The following CD101 variants were observed in gnomAD, a reference collection of about 807,000 sequenced individuals.
The protein encoded by CD101 is CD101 molecule, also known as immunoglobulin superfamily member 2.
Under a neutral mutation model 98.2 loss-of-function variants are expected in CD101, and 76 were observed. The ratio of observed to expected loss-of-function variants is 0.77; its 90% CI spans 0.64 to 0.94. CD101 has a LOEUF of 0.94. Among genes scored for constraint, CD101 ranks in the 40% least tolerant of loss-of-function variants. The pLI, the probability that CD101 is intolerant of heterozygous loss-of-function variation, is 0.00. For missense variants in CD101, 1,145 were observed against 1,218.8 expected (o/e 0.94, Z 0.90); for synonymous variants, 471 against 472.7 (o/e 1.00, Z 0.05).
In CD101 at chr1:117,018,644, CAT is replaced by C. The variant is rs995313007; in HGVS notation, c.2017+86_2017+87del. The C allele has an allele frequency of 3.1e-6, 4 of 1,283,942 alleles. No homozygotes were observed. Among genetic ancestry groups the C allele is most frequent in the Non-Finnish European group, 4.3e-6 (4 of 935,478 alleles). 79.5% of individuals were successfully genotyped at this position (1,283,942 alleles called of 1,614,324 possible). On this transcript the variant is annotated intron_variant, in intron 6 of 9. Coordinates refer to ENST00000682167, the MANE Select transcript of CD101 (RefSeq NM_001256106.3). This position sits in a 1 kb window ranked among gnomAD's most constrained non-coding sequence, Gnocchi z 4.3. Reference sequence around the variant, plus strand: ...TTTTGGGTAAGTTATAACAATAAAACATAAAATACTTTCTCCCATATTTGTTC... The same window carrying C: ...TTTTGGGTAAGTTATAACAATAAAACAAAATACTTTCTCCCATATTTGTTC...
intron 3 of CD101, 70 bp from the exon 4 acceptor site, chr1:117,013,336 A>T: frequency 1.3e-6 from 2 of 1,482,064 alleles, no homozygotes; most frequent in Non-Finnish European, 1.8e-6. Context: ...AGAGGGTGTC[A>T]TCTCTCTCTG....
Position 117,018,133 on chromosome 1 carries a change from TTC to T in CD101, c.1613-21_1613-20del, listed in dbSNP as rs757954932. 6.5e-7 allele frequency: 1 copy of T among 1,540,460 alleles called. No individual in the cohort carries two copies. Among genetic ancestry groups the T allele is most frequent in the South Asian group, 1.3e-5 (1 of 79,148 alleles). On this transcript the variant is annotated intron_variant, in intron 5 of 9. Coordinates refer to ENST00000682167, the MANE Select transcript of CD101 (RefSeq NM_001256106.3). The surrounding 1 kb of genome is among the most constrained non-coding windows in gnomAD (Gnocchi z 4.3). ...TTTAATCTGGTAAATATATTAGAAA[TTC>T]TGTTTCATTTTTCTGTCTAGAGTCA...
intron 4 of CD101, among the ~76,000 whole-genome samples, chr1:117,016,202 T>TATA (rs1167369251): frequency 4.4e-4 from 65 of 147,520 alleles, no homozygotes; most frequent in African/African-American, 1.5e-3. Context: ...ATATATATAT[T>TATA]TATTTATATA....
At position 117,023,979 on chromosome 1, in the gene CD101, G is replaced by A. The variant is rs963257509; in HGVS notation, c.2429-1530G>A. ...AGGACTAGAGGGTCCCTTGAACTGG[G>A]AAATTGGGCCCTGGCCAAGTAAAGT... is the stretch of plus-strand genomic sequence containing the variant. On this transcript the variant is annotated intron_variant, in intron 7 of 9. Coordinates refer to ENST00000682167, the MANE Select transcript of CD101 (RefSeq NM_001256106.3). The surrounding 1 kb of genome is among the most constrained non-coding windows in gnomAD (Gnocchi z 4.4). Among the ~76,000 whole-genome samples, 7 of 152,184 alleles carry A rather than the reference G, an allele frequency of 4.6e-5. No homozygotes were observed. The highest frequency in any genetic ancestry group is 1.7e-4 in the African/African-American group (7 of 41,446).
At chr1:117,032,591 TGAA>T (rs1333140021) in intron 8 of CD101, 1 of 152,232 alleles carries the variant, frequency 6.6e-6, no homozygotes, top group Non-Finnish European at 1.5e-5. Flanking sequence ...GCTTAACCTT[TGAA>T]GAAGAAATTG....
chr1:117,017,508 A>G, intron 5 of CD101, 35 bp downstream of exon 5: 2 of 1,566,804 alleles, frequency 1.3e-6, no homozygotes, highest in Non-Finnish European at 8.7e-7. Flanking sequence ...CTGCACCTGT[A>G]TATCACTCAA....
chr1:117,034,484 C>G (rs1193185423), intron 9 of CD101, among the ~76,000 whole-genome samples: 1 of 152,194 alleles, frequency 6.6e-6, no homozygotes, highest in African/African-American at 2.4e-5. Flanking sequence ...CACACCTGCT[C>G]TAGGTAATCA....
At chr1:117,008,262 C>T (rs902831645) in intron 1 of CD101, among the ~76,000 whole-genome samples, 6 of 151,912 alleles carry the variant, frequency 3.9e-5, no homozygotes, top group Admixed American at 2.6e-4. Flanking sequence ...GTCAGGAGTT[C>T]GAGACCAGCC....
In CD101 at chr1:117,006,042, T is replaced by G. The variant is rs1002019256; in HGVS notation, c.44-3808T>G. On this transcript the variant is annotated intron_variant, in intron 1 of 9. Coordinates refer to ENST00000682167, the MANE Select transcript of CD101 (RefSeq NM_001256106.3). This position sits in a 1 kb window ranked among gnomAD's most constrained non-coding sequence, Gnocchi z 4.4. ...CCATGGTCTTCAAATTTAGTATTTCTAAAATTAAATGCATTATATTTTCAC... is the reference window on the plus strand; with the variant it reads ...CCATGGTCTTCAAATTTAGTATTTCGAAAATTAAATGCATTATATTTTCAC... Among the ~76,000 whole-genome samples, 4 of 152,188 alleles carry G rather than the reference T, an allele frequency of 2.6e-5. No homozygotes were observed. The highest frequency in any genetic ancestry group is 5.9e-5 in the Non-Finnish European group (4 of 68,028).
rs188623535 is a variant in CD101 at position 117,028,312 on chromosome 1, A to G, written c.2824+2408A>G. ...ATTCATTGTATATAGAGGGCAAAGG[A>G]GCAGAAGGAGAGAATTAAGGATTAA... is the stretch of plus-strand genomic sequence containing the variant. On this transcript the variant is annotated intron_variant, in intron 8 of 9. Transcript: ENST00000682167. 1.7e-3 allele frequency among the ~76,000 whole-genome samples: 253 copies of G among 152,164 alleles called. 1 individual carries two copies. The highest frequency in any genetic ancestry group is 5.9e-3 in the African/African-American group (244 of 41,526).
In CD101 at chr1:117,004,371, CT is replaced by C. The variant is rs1316203705; in HGVS notation, c.43+2512del. ...TGCTGTTTTTTTGGTATAAAAAGTG[CT>C]CAAGTATGGACCATTTTATACAGTT... On this transcript the variant is annotated intron_variant, in intron 1 of 9. Coordinates refer to ENST00000682167, the MANE Select transcript of CD101 (RefSeq NM_001256106.3). The surrounding 1 kb of genome is among the most constrained non-coding windows in gnomAD (Gnocchi z 4.1). 1.3e-5 allele frequency among the ~76,000 whole-genome samples: 2 copies of C among 152,094 alleles called. No individual in the cohort carries two copies. The highest frequency in any genetic ancestry group is 4.8e-5 in the African/African-American group (2 of 41,416).
intron 8 of CD101, chr1:117,032,627 G>A (rs1237090646): frequency 6.6e-6 from 1 of 152,230 alleles, no homozygotes; most frequent in East Asian, 1.9e-4. Context: ...CAATTTTCCA[G>A]TAAAAGCACA....
chr1:117,009,455 G>A (rs1037666714), intron 1 of CD101, among the ~76,000 whole-genome samples: 2 of 152,366 alleles, frequency 1.3e-5, no homozygotes, highest in Middle Eastern at 3.4e-3. Flanking sequence ...GGAACTGCCC[G>A]ATGGCAGGCA....
chr1:117,028,131 G>A (rs1557778009), intron 8 of CD101, among the ~76,000 whole-genome samples: 1 of 150,316 alleles, frequency 6.7e-6, no homozygotes, highest in Non-Finnish European at 1.5e-5. Context: ...TAAGTGAATT[G>A]GAGGGGAGGT....
chr1:117,010,148 G>C lies in CD101; in HGVS notation c.342G>C (p.Lys114Asn). Residue 114 changes from lysine to asparagine, a missense_variant, in exon 2 of 10, where the codon AAG becomes AAC. Transcript: ENST00000682167. The surrounding 1 kb of genome is among the most constrained non-coding windows in gnomAD (Gnocchi z 5.2). ...TGCACATCTCAAAACTCCAGATGAA[G>C]GATGCTGGCGAGTATGAGTGTCACA... is the stretch of plus-strand genomic sequence containing the variant. Reference protein sequence around the residue: ...VLLHISKLQMKDAGEYECHTP... With the variant: ...VLLHISKLQMNDAGEYECHTP... 1 of 1,614,204 alleles carries C rather than the reference G, an allele frequency of 6.2e-7. No individual in the cohort carries two copies. Among genetic ancestry groups the C allele is most frequent in the South Asian group, 1.1e-5 (1 of 91,086 alleles).
chr1:117,011,922 C>T lies in CD101; in HGVS notation c.797C>T (p.Thr266Ile), dbSNP rs150217954. The change falls in exon 3 of 10, where the codon ACC becomes ATC. Residue 266 changes from threonine to isoleucine, a missense_variant. Physicochemically the swap from Thr to Ile is moderately conservative, Grantham distance 89. Transcript: ENST00000682167. ...CCAGATGAAACTTGGATGTTCATCACCAAAAAGCAGACCGATCAAACCACT... is the reference window on the plus strand; with the variant it reads ...CCAGATGAAACTTGGATGTTCATCATCAAAAAGCAGACCGATCAAACCACT... ...QDPDETWMFI[T>I]KKQTDQTTLR... 6 of 1,613,740 alleles carry T rather than the reference C, an allele frequency of 3.7e-6. No homozygotes were observed. The African/African-American group carries it at 6.7e-5, about 18-fold the overall frequency.
At chr1:117,009,759 G>T in intron 1 of CD101, 91 bp from the exon 2 acceptor site, 1 of 1,368,564 alleles carries the variant, frequency 7.3e-7, no homozygotes. Context: ...TCATTTACCA[G>T]AATTGTAATA....
Position 117,022,217 on chromosome 1 carries a change from T to C in CD101, c.2428+234T>C, listed in dbSNP as rs1162461182. Reference sequence around the variant, plus strand: ...TGAGGTAGGAGCAATATCCCTTTGATTGGTTTGCTTCTCAACCTGGCAGCC... The same window carrying C: ...TGAGGTAGGAGCAATATCCCTTTGACTGGTTTGCTTCTCAACCTGGCAGCC... On this transcript the variant is annotated intron_variant, in intron 7 of 9. Transcript: ENST00000682167. This position sits in a 1 kb window ranked among gnomAD's most constrained non-coding sequence, Gnocchi z 4.8. 2.0e-5 allele frequency among the ~76,000 whole-genome samples: 3 copies of C among 152,194 alleles called. No homozygotes were observed. The highest frequency in any genetic ancestry group is 7.2e-5 in the African/African-American group (3 of 41,452).
rs759990224 is a variant in CD101 at position 117,017,141 on chromosome 1, G to A, written c.1280G>A (p.Gly427Glu). Residue 427 changes from glycine (G) to glutamate (E), a missense_variant, in exon 5 of 10, where the codon GGA becomes GAA. Physicochemically the swap from Gly to Glu is moderately conservative, Grantham distance 98. Transcript: ENST00000682167. ...TKNKQQVVWE[G>E]ETLAFLCKAG... ...AACAAGCAGCAAGTTGTGTGGGAAGGAGAGACACTCGCCTTTCTCTGTAAG... is the reference window on the plus strand; with the variant it reads ...AACAAGCAGCAAGTTGTGTGGGAAGAAGAGACACTCGCCTTTCTCTGTAAG... The A allele has an allele frequency of 1.7e-5, 28 of 1,614,098 alleles. No homozygotes were observed. Among genetic ancestry groups the A allele is most frequent in the Admixed American group, 3.3e-5 (2 of 60,008 alleles).
Sources: allele counts gnomAD v4.1 joint callset (sites outside exome capture counted in the v4.1 genomes callset), GRCh38; gene constraint gnomAD v4.1.1; non-coding constraint Gnocchi (gnomAD v3.1); transcripts MANE v1.5; gene names NCBI Gene and HGNC (gene_info 2026-07-23, HGNC 2026-07-21).